The following PPIL2 variants were observed in gnomAD, a reference collection of about 807,000 sequenced individuals.
PPIL2 encodes the protein peptidylprolyl isomerase like 2.
PPIL2 carries 50 observed loss-of-function variants against 75.2 expected under a neutral mutation model. The ratio of observed to expected loss-of-function variants is 0.66; its 90% CI spans 0.53 to 0.84. The LOEUF (loss-of-function observed/expected upper bound fraction) is 0.84, where lower values mean the gene tolerates loss of function less well. Ranked by LOEUF, PPIL2 falls within the 40% of genes least tolerant of loss-of-function variation. PPIL2 has a pLI of 0.00. For synonymous variants in PPIL2, 245 were observed against 258.8 expected (o/e 0.95, Z 0.51); for missense variants, 590 against 685.0 (o/e 0.86, Z 1.55).
intron 6 of PPIL2, among the ~76,000 whole-genome samples, chr22:21,680,675 GA>G: frequency 6.7e-6 from 1 of 149,974 alleles, no homozygotes; most frequent in Non-Finnish European, 1.5e-5. Flanking sequence ...TAAAAATACA[GA>G]AAAATTAGCC....
intron 10 of PPIL2, 84 bp downstream of exon 10, chr22:21,684,997 G>A (rs546133771): frequency 9.8e-5 from 150 of 1,523,832 alleles, no homozygotes; most frequent in Non-Finnish European, 1.2e-4. Context: ...CTGGGAAAGG[G>A]GCTCATGGGG....
In PPIL2 at chr22:21,681,372, C is replaced by G. The variant is rs749517037; in HGVS notation, c.369C>G (p.Gly123=). Residue 123 remains glycine, a synonymous_variant, in exon 7 of 20, where the codon GGC becomes GGG. Coordinates refer to ENST00000398831, the MANE Select transcript of PPIL2 (RefSeq NM_014337.4). ...ACATCGTGGCTGTGAGGACGACCGG[C>G]AACGTCTACGCCTATGAGGTGTGTC... ...NTHIVAVRTT[G]NVYAYEAVEQ... 6.8e-6 allele frequency: 11 copies of G among 1,613,790 alleles called. No individual in the cohort carries two copies. The South Asian group carries it at 1.2e-4, about 18-fold the overall frequency.
intron 1 of PPIL2, among the ~76,000 whole-genome samples, chr22:21,668,015 G>C (rs983425102): frequency 1.3e-5 from 2 of 151,980 alleles, no homozygotes; most frequent in Admixed American, 1.3e-4. Flanking sequence ...GACGTCGAGT[G>C]ATCGACCTAC....
chr22:21,687,193 C>T (rs2067404638), intron 12 of PPIL2, among the ~76,000 whole-genome samples, 195 bp downstream of exon 12: 1 of 152,116 alleles, frequency 6.6e-6, no homozygotes, highest in African/African-American at 2.4e-5. Context: ...CGCACAGGTG[C>T]CAGTGTCTCA....
At chr22:21,672,498 C>T in intron 5 of PPIL2, 117 bp downstream of exon 5, 1 of 1,034,710 alleles carries the variant, frequency 9.7e-7, no homozygotes, top group Non-Finnish European at 1.5e-6. Flanking sequence ...TCATGGGGCC[C>T]AGTGAGGAGG....
chr22:21,669,507 G>C, intron 1 of PPIL2: 1 of 349,738 alleles, frequency 2.9e-6, no homozygotes, highest in Non-Finnish European at 5.7e-6. Flanking sequence ...TTTTTTGTTT[G>C]TTTGTTTTTT....
Position 21,696,626 on chromosome 22 carries a change from C to A in PPIL2, c.*1136C>A. The A allele has an allele frequency of 6.7e-7, 1 of 1,500,276 alleles. No individual in the cohort carries two copies. The highest frequency in any genetic ancestry group is 8.9e-7 in the Non-Finnish European group (1 of 1,128,578). The allele number at this position is 1,500,276 out of a possible 1,614,324, so 92.9% of individuals were successfully genotyped here. ...ATGGACTCTCCTTGCCTGACACTTG[C>A]CTCTTGGGCTCCCTGTTGCCCTCAG... On this transcript the variant is annotated 3_prime_UTR_variant, in exon 20 of 20. Transcript: ENST00000398831.
intron 1 of PPIL2, among the ~76,000 whole-genome samples, chr22:21,667,932 T>A (rs952000317): frequency 2.0e-5 from 3 of 151,964 alleles, no homozygotes; most frequent in Non-Finnish European, 2.9e-5. Flanking sequence ...CCTGCCACCA[T>A]GCCCATGCTA....
chr22:21,698,642 C>G (rs1186898202), downstream of PPIL2: 1 of 152,384 alleles, frequency 6.6e-6, no homozygotes, highest in African/African-American at 2.4e-5. Context: ...CAGTGAACTC[C>G]TTCTTCCACC....
downstream of PPIL2, chr22:21,698,366 G>A (rs1199108488): frequency 6.6e-6 from 1 of 151,810 alleles, no homozygotes. Context: ...AATAGAAGGA[G>A]CAGCGAACTT....
At chr22:21,693,785 C>T (rs1296095750) in intron 15 of PPIL2, 31 bp from the exon 16 acceptor site, 16 of 1,523,550 alleles carry the variant, frequency 1.1e-5, no homozygotes, top group Non-Finnish European at 1.5e-5. Context: ...AGGTGCCATG[C>T]TCTCCCTAAC....
chr22:21,692,013 T>C (rs73382392), intron 15 of PPIL2, among the ~76,000 whole-genome samples: 2 of 152,250 alleles, frequency 1.3e-5, no homozygotes, highest in South Asian at 4.2e-4. Context: ...TGCACCACCC[T>C]GGGGAGTGCT....
In PPIL2 at chr22:21,695,454, G is replaced by T; in HGVS notation, c.1527G>T (p.Lys509Asn). The part of the protein sequence containing the change: ...TSATVPMSKK[K>N]PSRGFGDFSS... ...CCACTGTCCCCATGTCCAAGAAGAA[G>T]CCCAGTCGGGGTTTTGGGGACTTCA... The change falls in exon 20 of 20, where the codon AAG becomes AAT. Residue 509 changes from lysine (K) to asparagine (N), a missense_variant. Coordinates refer to ENST00000398831, the MANE Select transcript of PPIL2 (RefSeq NM_014337.4). 6.2e-7 allele frequency: 1 copy of T among 1,608,598 alleles called. No individual in the cohort carries two copies. The highest frequency in any genetic ancestry group is 8.5e-7 in the Non-Finnish European group (1 of 1,177,364).
In PPIL2 at chr22:21,694,830, G is replaced by A. The variant is rs55642830; in HGVS notation, c.1332+13G>A. 649 of 1,593,706 alleles carry A rather than the reference G, an allele frequency of 4.1e-4. 2 individuals carry two copies. The African/African-American group carries it at 7.6e-3, about 19-fold the overall frequency. ...GGCCGATGCCCAGGTGAGGGGGCAC[G>A]ATGCCACCACCTAGGAGGGTCTGGG... On this transcript the variant is annotated intron_variant, in intron 18 of 19. Coordinates refer to ENST00000398831, the MANE Select transcript of PPIL2 (RefSeq NM_014337.4).
At chr22:21,695,154 A>G in intron 19 of PPIL2, 84 bp downstream of exon 19, 1 of 1,466,396 alleles carries the variant, frequency 6.8e-7, no homozygotes, top group Non-Finnish European at 9.0e-7. Flanking sequence ...CCAGAGGGGC[A>G]AGCAAGCTAT....
intron 15 of PPIL2, among the ~76,000 whole-genome samples, chr22:21,690,933 C>CT (rs1443361774): frequency 6.8e-6 from 1 of 147,670 alleles, no homozygotes; most frequent in Non-Finnish European, 1.5e-5. Context: ...TGTGAAACTG[C>CT]TGACAGATCA....
At chr22:21,672,031 A>T (rs1647707) in intron 4 of PPIL2, among the ~76,000 whole-genome samples, 37,542 of 152,090 alleles carry the variant, frequency 0.25, 4,665 homozygotes, top group Middle Eastern at 0.32. Flanking sequence ...AGCCTGAGTG[A>T]CAAGGCGAAA....
Position 21,671,027 on chromosome 22 carries a change from C to G in PPIL2, c.159C>G (p.Val53=), listed in dbSNP as rs762465013. 2.4e-5 allele frequency: 39 copies of G among 1,613,268 alleles called. No homozygotes were observed. The highest frequency in any genetic ancestry group is 3.1e-5 in the Non-Finnish European group (36 of 1,179,262). Residue 53 remains valine, a synonymous_variant, in exon 4 of 20, where the codon GTC becomes GTG. Coordinates refer to ENST00000398831, the MANE Select transcript of PPIL2 (RefSeq NM_014337.4). ...SLSLQPFVYP[V]CTPDGIVFDL... is the part of the protein sequence containing the mutation. ...CTCTGCAGCCCTTTGTCTACCCAGT[C>G]TGCACTCCCGATGGCATCGTCTTTG...
intron 1 of PPIL2, among the ~76,000 whole-genome samples, chr22:21,669,015 A>ATT (rs71318713): frequency 7.3e-6 from 1 of 137,262 alleles, no homozygotes; most frequent in Non-Finnish European, 1.6e-5. Context: ...CTGGCCCTCT[A>ATT]TTTTTTTTTT....
Sources: gnomAD v4.1 joint callset for allele counts (sites outside exome capture counted in the v4.1 genomes callset) on GRCh38, gnomAD v4.1.1 for gene constraint, MANE v1.5 for transcripts, NCBI Gene and HGNC (gene_info 2026-07-23, HGNC 2026-07-21) for gene names.